The following TRIP13 variants were observed in gnomAD, a reference collection of about 807,000 sequenced individuals.
TRIP13 encodes the protein pachytene checkpoint protein 2 homolog.
In TRIP13, 25 loss-of-function variants were observed where a neutral mutation model predicts 54.4. That is an observed-to-expected ratio of 0.46 (90% CI 0.33 to 0.64). The LOEUF is 0.64. Among genes scored for constraint, TRIP13 ranks in the 30% least tolerant of loss-of-function variants. The probability of loss-of-function intolerance (pLI) is 0.02; values close to 1 mark genes in which losing one functional copy is unlikely to be tolerated. For synonymous variants in TRIP13, 207 were observed against 207.8 expected (o/e 1.00, Z 0.03); for missense variants, 373 against 534.2 (o/e 0.70, Z 2.97).
intron 5 of TRIP13, among the ~76,000 whole-genome samples, chr5:902,255 A>G (rs1754009121): frequency 6.6e-6 from 1 of 152,180 alleles, no homozygotes; most frequent in Non-Finnish European, 1.5e-5. Flanking sequence ...AGTGGACTCG[A>G]GAGTATGAAA....
At position 896,701 on chromosome 5, in the gene TRIP13, A is replaced by G. The variant is rs2150681833; in HGVS notation, c.295A>G (p.Ile99Val). The change falls in exon 3 of 13, where the codon ATT (isoleucine) becomes GTT (valine). Residue 99 changes from isoleucine (I) to valine (V), a missense_variant. Physicochemically the swap from Ile to Val is conservative, Grantham distance 29 (BLOSUM62 3). This residue lies in a region of TRIP13 where 151 missense variants were observed against 151.9 expected (regional missense o/e 0.99). Transcript: ENST00000166345. ...GAGTGCATGCACTGTTGCACTTCACATTTTCCAGCTGAATGAAGATGGCCC... is the reference window on the plus strand; with the variant it reads ...GAGTGCATGCACTGTTGCACTTCACGTTTTCCAGCTGAATGAAGATGGCCC... ...DLSACTVALH[I>V]FQLNEDGPSS... The G allele has an allele frequency of 6.2e-7, 1 of 1,613,906 alleles. No homozygotes were observed. The highest frequency in any genetic ancestry group is 2.2e-5 in the East Asian group (1 of 44,876).
rs1247532334 is a variant in TRIP13, at chr5:908,162, C to G, written c.759+88C>G. 6.6e-6 allele frequency: 10 copies of G among 1,509,288 alleles called. No individual in the cohort carries two copies. The highest frequency in any genetic ancestry group is 1.7e-5 in the Admixed American group (1 of 59,526). The allele number at this position is 1,509,288 out of a possible 1,614,324, so 93.5% of individuals were successfully genotyped here. ...CCTACTCCTGATGCTCCTAGCTTTC[C>G]CCTCCTACAGCCGGGCTGCCCTCTA... is the stretch of plus-strand genomic sequence containing the variant. On this transcript the variant is annotated intron_variant, in intron 8 of 12. Coordinates refer to ENST00000166345, the MANE Select transcript of TRIP13 (RefSeq NM_004237.4). This position sits in a 1 kb window ranked among gnomAD's most constrained non-coding sequence, Gnocchi z 5.2.
intron 6 of TRIP13, among the ~76,000 whole-genome samples, chr5:905,490 T>G (rs1437977041): frequency 6.6e-6 from 1 of 152,238 alleles, no homozygotes; most frequent in Non-Finnish European, 1.5e-5. Context: ...TCAGACTCCC[T>G]GAACTCCAAT....
chr5:916,926 G>C, intron 12 of TRIP13, 82 bp from the exon 13 acceptor site: 1 of 1,266,162 alleles, frequency 7.9e-7, no homozygotes, highest in Non-Finnish European at 1.1e-6. Flanking sequence ...CTGCACTGTG[G>C]GTGGCGGCAG....
intron 11 of TRIP13, among the ~76,000 whole-genome samples, chr5:914,801 C>T (rs1273249996): frequency 2.0e-5 from 3 of 150,588 alleles, no homozygotes; most frequent in African/African-American, 5.0e-5. Flanking sequence ...AACCCTTGCT[C>T]AGGGAGGGCG....
In TRIP13 at chr5:908,076, T is replaced by C. The variant is rs1292048063; in HGVS notation, c.759+2T>C. The C allele has an allele frequency of 1.2e-6, 2 of 1,613,960 alleles. No individual in the cohort carries two copies. The highest frequency in any genetic ancestry group is 2.2e-5 in the East Asian group (1 of 44,888). On this transcript the variant is annotated splice_donor_variant, in intron 8 of 12. Coordinates refer to ENST00000166345, the MANE Select transcript of TRIP13 (RefSeq NM_004237.4). LOFTEE classifies it high-confidence loss of function. This position sits in a 1 kb window ranked among gnomAD's most constrained non-coding sequence, Gnocchi z 5.2. ...CTGGTGTTCGTGCTGATTGATGAGG[T>C]AGGCATTTCCAGATAAGGAAATTCA...
rs779188923 is a variant in TRIP13, at chr5:901,364, T to C, written c.468T>C (p.Thr156=). Residue 156 remains threonine, a synonymous_variant, in exon 5 of 13, where the codon ACT becomes ACC. Transcript: ENST00000166345. ...KSHLLDYVMT[T]LLFSDKNVNS... is the part of the protein sequence containing the mutation. ...AGCTCCTCGATTATGTGATGACAAC[T>C]TTACTGTTTTCAGACAAGAACGTCA... is the stretch of plus-strand genomic sequence containing the variant. 5 of 1,614,162 alleles carry C rather than the reference T, an allele frequency of 3.1e-6. No individual in the cohort carries two copies. The highest frequency in any genetic ancestry group is 1.6e-4 in the Middle Eastern group (1 of 6,062).
In TRIP13 at chr5:911,300, G is replaced by A. The variant is rs1036110657; in HGVS notation, c.867-543G>A. Among the ~76,000 whole-genome samples the A allele has an allele frequency of 1.2e-4, 18 of 152,188 alleles. No homozygotes were observed. Among genetic ancestry groups the A allele is most frequent in the Admixed American group, 2.6e-4 (4 of 15,290 alleles). On this transcript the variant is annotated intron_variant, in intron 9 of 12. Coordinates refer to ENST00000166345, the MANE Select transcript of TRIP13 (RefSeq NM_004237.4). The surrounding 1 kb of genome is among the most constrained non-coding windows in gnomAD (Gnocchi z 4.7). Reference sequence around the variant, plus strand: ...GTGAGATCCTTGCTAGGCCGGGCGCGGTGGCTTACGCCTGTAATCCCAGCA... The same window carrying A: ...GTGAGATCCTTGCTAGGCCGGGCGCAGTGGCTTACGCCTGTAATCCCAGCA...
At chr5:893,732 A>T (rs1753780620) in intron 1 of TRIP13, 1 of 155,280 alleles carries the variant, frequency 6.4e-6, no homozygotes, top group Admixed American at 6.5e-5. Flanking sequence ...TGAGACCACC[A>T]GCCTCAGAGG....
Position 907,138 on chromosome 5 carries a change from A to T in TRIP13, c.617A>T (p.Tyr206Phe). The change falls in exon 7 of 13, where the codon TAT (tyrosine) becomes TTT (phenylalanine). Residue 206 changes from tyrosine (Y) to phenylalanine (F), a missense_variant. Coordinates refer to ENST00000166345, the MANE Select transcript of TRIP13 (RefSeq NM_004237.4). The surrounding 1 kb of genome is among the most constrained non-coding windows in gnomAD (Gnocchi z 4.1). ...LTIRLSSRYR[Y>F]GQLIEINSHS... ...CCTTTTTTCTATCTCAGGTACCGATATGGCCAATTAATTGAAATAAACAGC... is the reference window on the plus strand; with the variant it reads ...CCTTTTTTCTATCTCAGGTACCGATTTGGCCAATTAATTGAAATAAACAGC... The T allele has an allele frequency of 6.2e-7, 1 of 1,614,042 alleles. No individual in the cohort carries two copies. Among genetic ancestry groups the T allele is most frequent in the Non-Finnish European group, 8.5e-7 (1 of 1,179,900 alleles).
Position 912,553 on chromosome 5 carries a change from CGT to C in TRIP13, c.1020+563_1020+564del, listed in dbSNP as rs144367885. On this transcript the variant is annotated intron_variant, in intron 10 of 12. Coordinates refer to ENST00000166345, the MANE Select transcript of TRIP13 (RefSeq NM_004237.4). The surrounding 1 kb of genome is among the most constrained non-coding windows in gnomAD (Gnocchi z 7.2). ...CGGGCAGAGCGACGCGTGCGGGGAG[CGT>C]GTGTGAGTCAGGAGGGCCGTCGCCA... 0.024 allele frequency among the ~76,000 whole-genome samples: 3,367 copies of C among 141,894 alleles called. 125 individuals are homozygous for C. The highest frequency in any genetic ancestry group is 0.08 in the African/African-American group (3,045 of 38,260). The allele number at this position is 141,894 out of a possible 152,430, so 93.1% of individuals were successfully genotyped here.
intron 3 of TRIP13, 43 bp downstream of exon 3, chr5:896,837 G>C: frequency 6.3e-7 from 1 of 1,599,616 alleles, no homozygotes; most frequent in South Asian, 1.1e-5. Context: ...TGAGGTCAGA[G>C]GATTGTATAC....
chr5:900,698 C>T, intron 4 of TRIP13, 149 bp downstream of exon 4: 2 of 739,836 alleles, frequency 2.7e-6, no homozygotes, highest in Non-Finnish European at 4.3e-6. Context: ...CATCTATCCT[C>T]TAGTATTGCT....
chr5:906,638 T>C (rs1754120968), intron 6 of TRIP13, among the ~76,000 whole-genome samples: 1 of 152,196 alleles, frequency 6.6e-6, no homozygotes, highest in African/African-American at 2.4e-5. Flanking sequence ...CGCCCAGATC[T>C]GTCTGCGGGC....
Position 896,888 on chromosome 5 carries a change from A to G in TRIP13, c.388+94A>G, listed in dbSNP as rs1753929163. On this transcript the variant is annotated intron_variant, in intron 3 of 12. Transcript: ENST00000166345. The stretch of plus-strand genomic sequence containing the variant: ...TTCACAGGGGGGGTTCTGTTTGTCC[A>G]TTTGTTTTGTAGGATTTTAGGATGT... 6 of 1,395,650 alleles carry G rather than the reference A, an allele frequency of 4.3e-6. No homozygotes were observed. In the South Asian group the frequency reaches 6.0e-5, roughly 14 times the overall value. The allele number at this position is 1,395,650 out of a possible 1,614,324, so 86.5% of individuals were successfully genotyped here.
intron 1 of TRIP13, 115 bp downstream of exon 1, chr5:893,205 T>C (rs915544431): frequency 1.9e-5 from 20 of 1,057,508 alleles, no homozygotes; most frequent in Middle Eastern, 2.0e-4. Context: ...CCCAGGGTAC[T>C]GATCCGGCCC....
chr5:912,454 T>C lies in TRIP13; in HGVS notation c.1020+458T>C, dbSNP rs1177831164. Among the ~76,000 whole-genome samples the C allele has an allele frequency of 6.6e-6, 1 of 152,092 alleles. No individual in the cohort carries two copies. Among genetic ancestry groups the C allele is most frequent in the East Asian group, 1.9e-4 (1 of 5,182 alleles). On this transcript the variant is annotated intron_variant, in intron 10 of 12. Transcript: ENST00000166345. The surrounding 1 kb of genome is among the most constrained non-coding windows in gnomAD (Gnocchi z 7.2). ...GTTCTTGAGTCGCCTGTTGTGATGA[T>C]AGGCAGGAACACTGTTGCCGTGGGC... is the stretch of plus-strand genomic sequence containing the variant.
In TRIP13 at chr5:917,780, A is replaced by G. The variant is rs1169767214; in HGVS notation, c.*677A>G. ...TGCTGGACATCCCTTGTAACCCGGT[A>G]TGGGCGCCCCTGCATTGCTGGGATG... On this transcript the variant is annotated 3_prime_UTR_variant, in exon 13 of 13. Transcript: ENST00000166345. 1 of 152,200 alleles carries G rather than the reference A, an allele frequency of 6.6e-6. No homozygotes were observed. The highest frequency in any genetic ancestry group is 2.4e-5 in the African/African-American group (1 of 41,422). The allele number at this position is 152,200 out of a possible 1,614,324, so 9.4% of individuals were successfully genotyped here.
chr5:909,175 C>T lies in TRIP13; in HGVS notation c.866+714C>T, dbSNP rs776943149. On this transcript the variant is annotated intron_variant, in intron 9 of 12. Coordinates refer to ENST00000166345, the MANE Select transcript of TRIP13 (RefSeq NM_004237.4). ...GACAGCTTCGTGTGCAGATGGTCCACGTCTCCACAGCCCAGCCTCACAGGG... is the reference window on the plus strand; with the variant it reads ...GACAGCTTCGTGTGCAGATGGTCCATGTCTCCACAGCCCAGCCTCACAGGG... 6.6e-5 allele frequency among the ~76,000 whole-genome samples: 10 copies of T among 152,308 alleles called. No homozygotes were observed. In the East Asian group the frequency reaches 9.6e-4, roughly 15 times the overall value.
Sources: gnomAD v4.1 joint callset for allele counts (sites outside exome capture counted in the v4.1 genomes callset) on GRCh38, gnomAD v4.1.1 for gene constraint, gnomAD v4.1.1 regional missense constraint, Gnocchi (gnomAD v3.1) non-coding constraint, MANE v1.5 for transcripts, NCBI Gene and HGNC (gene_info 2026-07-23, HGNC 2026-07-21) for gene names.